PCNX3: variants seen among roughly 807,000 people sequenced by gnomAD.
PCNX3 encodes the protein pecanex 3, also known as pecanex-like protein 3.
PCNX3 carries 58 observed loss-of-function variants against 207.2 expected under a neutral mutation model. That is an observed-to-expected ratio of 0.28 (90% CI 0.23 to 0.35). PCNX3 has a LOEUF of 0.35. Ranked by LOEUF, PCNX3 falls within the 10% of genes least tolerant of loss-of-function variation. The pLI is 1.00. For synonymous variants in PCNX3, 1,337 were observed against 1,183.5 expected (o/e 1.13, Z -2.66); for missense variants, 2,410 against 2,774.4 (o/e 0.87, Z 2.95).
At chr11:65,628,559 G>C (rs765248901) in intron 22 of PCNX3, 36 bp from the exon 23 acceptor site, 23 of 1,592,640 alleles carry the variant, frequency 1.4e-5, no homozygotes, top group East Asian at 2.2e-5. Context: ...GAGTGACCCT[G>C]CATGTCTTTT....
At chr11:65,620,540 C>G in intron 9 of PCNX3, 111 bp downstream of exon 9, 1 of 1,211,094 alleles carries the variant, frequency 8.3e-7, no homozygotes, top group Non-Finnish European at 1.2e-6. Flanking sequence ...GCAGGGGCAG[C>G]TCAGATCTGC....
Position 65,634,208 on chromosome 11 carries a change from T to C in PCNX3, c.4553T>C (p.Val1518Ala), listed in dbSNP as rs1855731447. ...HEGITAALRP[V>A]RVPGYADSDP... ...GGCATCACGGCAGCCCTGAGGCCTG[T>C]GCGGGTGCCCGGCTATGCCGACTCG... Residue 1518 changes from valine (V) to alanine (A), a missense_variant, in exon 28 of 35, where the codon GTG becomes GCG. By Grantham distance (64) the Val-to-Ala change is moderately conservative. Around this residue, in one of 8 missense-constraint regions of PCNX3, gnomAD observed 420 missense variants for 705.3 expected, o/e 0.60. Transcript: ENST00000355703. The C allele has an allele frequency of 1.2e-6, 2 of 1,613,508 alleles. No homozygotes were observed. Among genetic ancestry groups the C allele is most frequent in the East Asian group, 2.2e-5 (1 of 44,890 alleles).
rs780252384 is a variant in PCNX3, at chr11:65,619,534, C to T, written c.1706-3C>T. 2 of 1,611,368 alleles carry T rather than the reference C, an allele frequency of 1.2e-6. No individual in the cohort carries two copies. Among genetic ancestry groups the T allele is most frequent in the Non-Finnish European group, 8.5e-7 (1 of 1,179,576 alleles). On this transcript the variant is annotated splice_polypyrimidine_tract_variant and splice_region_variant and intron_variant, in intron 6 of 34. Coordinates refer to ENST00000355703, the MANE Select transcript of PCNX3 (RefSeq NM_032223.4). ...TTACACTTGGGGGCCTCTCTCTGGG[C>T]AGCGGCCGAGGAGACTGGCAGGCGG... is the stretch of plus-strand genomic sequence containing the variant.
At chr11:65,631,905 A>C (rs1394890065) in intron 27 of PCNX3, among the ~76,000 whole-genome samples, 1 of 152,020 alleles carries the variant, frequency 6.6e-6, no homozygotes, top group African/African-American at 2.4e-5. Context: ...CACATATCAG[A>C]GGAGCTGTCA....
At chr11:65,634,028 T>C (rs914995812) in intron 27 of PCNX3, 98 bp from the exon 28 acceptor site, 4 of 1,150,106 alleles carry the variant, frequency 3.5e-6, no homozygotes, top group Non-Finnish European at 4.9e-6. Flanking sequence ...AAAGCGGACT[T>C]CAGCTCAGTC....
At position 65,625,036 on chromosome 11, in the gene PCNX3, T is replaced by G; in HGVS notation, c.2919+20T>G. ...ATCAAGGTAGGGGTGGCTTGCGAGGTGGGGGCATGCTGCAGTGCGTAAGGG... is the reference window on the plus strand; with the variant it reads ...ATCAAGGTAGGGGTGGCTTGCGAGGGGGGGGCATGCTGCAGTGCGTAAGGG... On this transcript the variant is annotated intron_variant, in intron 16 of 34. Transcript: ENST00000355703. The surrounding 1 kb of genome is among the most constrained non-coding windows in gnomAD (Gnocchi z 5.6). The G allele has an allele frequency of 6.2e-7, 1 of 1,605,418 alleles. No homozygotes were observed. The highest frequency in any genetic ancestry group is 8.5e-7 in the Non-Finnish European group (1 of 1,174,714).
chr11:65,616,953 A>C lies in PCNX3; in HGVS notation c.283A>C (p.Ser95Arg), dbSNP rs1172560616. 7 of 1,613,300 alleles carry C rather than the reference A, an allele frequency of 4.3e-6. No individual in the cohort carries two copies. The East Asian group carries it at 1.6e-4, about 36-fold the overall frequency. Residue 95 changes from serine (S) to arginine (R), a missense_variant, in exon 2 of 35, where the codon AGC becomes CGC. This residue lies in a region of PCNX3 where 1,104 missense variants were observed against 970.3 expected (regional missense o/e 1.14). Coordinates refer to ENST00000355703, the MANE Select transcript of PCNX3 (RefSeq NM_032223.4). ...FDQGEIVEKR[S>R]STMGELEEEP... ...CCAGGGCGAGATCGTGGAGAAGCGC[A>C]GCTCTACCATGGGGGAGCTGGAGGA...
At position 65,618,334 on chromosome 11, in the gene PCNX3, C is replaced by A. The variant is rs562825406; in HGVS notation, c.972C>A (p.Asp324Glu). The A allele has an allele frequency of 1.7e-5, 27 of 1,611,482 alleles. No individual in the cohort carries two copies. The highest frequency in any genetic ancestry group is 2.1e-5 in the Non-Finnish European group (25 of 1,179,014). ...AGAAGACCAACTCCACCCATCTGGA[C>A]AGCCCCCCAGGGGGGCCAGCCCCTG... ...KSEKTNSTHL[D>E]SPPGGPAPEG... Residue 324 changes from aspartate (D) to glutamate (E), a missense_variant, in exon 6 of 35, where the codon GAC becomes GAA. Physicochemically the swap from Asp to Glu is conservative, Grantham distance 45. This residue lies in a region of PCNX3 where 1,104 missense variants were observed against 970.3 expected (regional missense o/e 1.14). Transcript: ENST00000355703.
chr11:65,617,803 T>C (rs1257077019), intron 5 of PCNX3, 97 bp downstream of exon 5: 13 of 1,482,606 alleles, frequency 8.8e-6, no homozygotes, highest in Admixed American at 7.9e-5. Flanking sequence ...CTCCTCTGTA[T>C]TCCTCTGTGG....
chr11:65,620,842 C>G lies in PCNX3; in HGVS notation c.2111C>G (p.Ser704Trp), dbSNP rs777725504. 7 of 1,595,068 alleles carry G rather than the reference C, an allele frequency of 4.4e-6. No individual in the cohort carries two copies. The highest frequency in any genetic ancestry group is 2.3e-5 in the East Asian group (1 of 43,552). Reference protein sequence around the residue: ...QTANGAWDRHSHSSSFHSADV... With the variant: ...QTANGAWDRHWHSSSFHSADV... ...TGCTGTTCTCACAGGGACCGACACT[C>G]GCATTCCTCCAGCTTCCACTCGGCT... The change falls in exon 10 of 35, where the codon TCG becomes TGG. Residue 704 changes from serine to tryptophan, a missense_variant. By Grantham distance (177) the Ser-to-Trp change is radical. Transcript: ENST00000355703.
intron 3 of PCNX3, 36 bp from the exon 4 acceptor site, chr11:65,617,434 C>A: frequency 6.2e-7 from 1 of 1,613,902 alleles, no homozygotes; most frequent in African/African-American, 1.3e-5. Context: ...CTACTTCTTG[C>A]CTTGTTTGTT....
rs536310428 is a variant in PCNX3, at chr11:65,628,076, A to C, written c.3702+494A>C. ...ATGCTCCTACACTCTACTGGAGGCCAGCAGTGGTACCTGGAACCCCAGGCA... is the reference window on the plus strand; with the variant it reads ...ATGCTCCTACACTCTACTGGAGGCCCGCAGTGGTACCTGGAACCCCAGGCA... On this transcript the variant is annotated intron_variant, in intron 22 of 34. Coordinates refer to ENST00000355703, the MANE Select transcript of PCNX3 (RefSeq NM_032223.4). Among the ~76,000 whole-genome samples the C allele has an allele frequency of 2.6e-5, 4 of 152,332 alleles. No individual in the cohort carries two copies. In the East Asian group the frequency reaches 5.8e-4, roughly 22 times the overall value.
intron 27 of PCNX3, among the ~76,000 whole-genome samples, chr11:65,633,237 C>T (rs2135477360): frequency 6.6e-6 from 1 of 152,388 alleles, no homozygotes; most frequent in South Asian, 2.1e-4. Context: ...CCCGCCCGTG[C>T]ATCCTGGCCA....
chr11:65,634,497 G>T, intron 28 of PCNX3, 41 bp from the exon 29 acceptor site: 1 of 1,549,416 alleles, frequency 6.5e-7, no homozygotes, highest in South Asian at 1.2e-5. Flanking sequence ...CCCTGTCCCA[G>T]GTCTGAGCTG....
intron 23 of PCNX3, 22 bp downstream of exon 23, chr11:65,628,725 G>C: frequency 1.2e-6 from 2 of 1,611,168 alleles, no homozygotes; most frequent in Non-Finnish European, 1.7e-6. Flanking sequence ...GTGTTTGGGT[G>C]GGGGTGTGCA....
intron 21 of PCNX3, 67 bp from the exon 22 acceptor site, chr11:65,627,338 G>T: frequency 6.6e-7 from 1 of 1,517,664 alleles, no homozygotes; most frequent in Non-Finnish European, 8.9e-7. Flanking sequence ...GTAGGCGAGG[G>T]ATGGGACACC....
In PCNX3 at chr11:65,624,983, C is replaced by T. The variant is rs1855305659; in HGVS notation, c.2886C>T (p.Ala962=). 6.2e-7 allele frequency: 1 copy of T among 1,612,744 alleles called. No homozygotes were observed. The highest frequency in any genetic ancestry group is 2.2e-5 in the East Asian group (1 of 44,872). Residue 962 remains alanine, a synonymous_variant, in exon 16 of 35, where the codon GCC becomes GCT. Transcript: ENST00000355703. ...FSLSRSLLAA[A]LLYGFCLGAI... The stretch of plus-strand genomic sequence containing the variant: ...TCTCCCGCAGCCTGCTGGCTGCTGC[C>T]CTGCTCTACGGTTTCTGCCTTGGGG...
chr11:65,633,865 C>A (rs10896025), intron 27 of PCNX3, among the ~76,000 whole-genome samples: 1 of 152,104 alleles, frequency 6.6e-6, no homozygotes, highest in Non-Finnish European at 1.5e-5. Context: ...CAGGCAGATG[C>A]TGCTTGTGAG....
At position 65,636,880 on chromosome 11, in the gene PCNX3, G is replaced by C; in HGVS notation, c.6007G>C (p.Glu2003Gln). ...DIPCLDSSAP[E>Q]SGTPMGALGD... ...TCCTTGCTTGGACAGCAGTGCCCCTGAGAGTGGCACACCTATGGGTGCCCT... is the reference window on the plus strand; with the variant it reads ...TCCTTGCTTGGACAGCAGTGCCCCTCAGAGTGGCACACCTATGGGTGCCCT... Residue 2003 changes from glutamate (E) to glutamine (Q), a missense_variant, in exon 35 of 35, where the codon GAG (glutamate) becomes CAG (glutamine). Transcript: ENST00000355703. 6.4e-7 allele frequency: 1 copy of C among 1,552,860 alleles called. No homozygotes were observed. Among genetic ancestry groups the C allele is most frequent in the South Asian group, 1.2e-5 (1 of 84,182 alleles).
Sources: gnomAD v4.1 joint callset for allele counts (sites outside exome capture counted in the v4.1 genomes callset) on GRCh38, gnomAD v4.1.1 for gene constraint, gnomAD v4.1.1 regional missense constraint, Gnocchi (gnomAD v3.1) non-coding constraint, MANE v1.5 for transcripts, NCBI Gene and HGNC (gene_info 2026-07-23, HGNC 2026-07-21) for gene names.